ELOVL6: variants seen among roughly 807,000 people sequenced by gnomAD.
The protein encoded by ELOVL6 is very long chain fatty acid elongase 6.
Under a neutral mutation model 31.7 loss-of-function variants are expected in ELOVL6, and 8 were observed. The observed-to-expected ratio is 0.25, with a 90% CI of 0.15 to 0.45. The LOEUF is 0.45. Ranked by LOEUF, ELOVL6 falls within the 20% of genes least tolerant of loss-of-function variation. The probability of loss-of-function intolerance (pLI) is 1.00; values close to 1 mark genes in which losing one functional copy is unlikely to be tolerated. For synonymous variants in ELOVL6, 101 were observed against 117.7 expected, an observed-to-expected ratio of 0.86 and a Z score of 0.92; for missense variants, 126 against 326.4, an observed-to-expected ratio of 0.39 and a Z score of 4.73.
intron 3 of ELOVL6, among the ~76,000 whole-genome samples, chr4:110,057,988 T>C (rs1201990169): frequency 6.6e-6 from 1 of 152,050 alleles, no homozygotes; most frequent in Non-Finnish European, 1.5e-5. Context: ...TAAAATATTC[T>C]CATATAATTT....
intron 1 of ELOVL6, among the ~76,000 whole-genome samples, chr4:110,184,626 G>T (rs1010321622): frequency 7.2e-5 from 11 of 152,192 alleles, no homozygotes; most frequent in African/African-American, 1.7e-4. Context: ...AAGACTAAAA[G>T]TAGTCCTGGG....
intron 2 of ELOVL6, among the ~76,000 whole-genome samples, chr4:110,084,378 T>TATATG (rs1231605632): frequency 2.1e-5 from 1 of 46,662 alleles, no homozygotes; most frequent in East Asian, 1.1e-3. Context: ...TGATATATGA[T>TATATG]ATATATCGCA....
rs1578480201 is a variant in ELOVL6, at chr4:110,099,608, T to C, written c.221+5889A>G. Reference sequence around the variant, plus strand: ...TAAATTTTTAACACCAAATTATCTTTTTATAATGTACACTAACTAGACATC... The same window carrying C: ...TAAATTTTTAACACCAAATTATCTTCTTATAATGTACACTAACTAGACATC... On this transcript the variant is annotated intron_variant, in intron 2 of 3. Transcript: ENST00000302274. Among the ~76,000 whole-genome samples the C allele has an allele frequency of 2.6e-5, 4 of 152,334 alleles. No individual in the cohort carries two copies. In the East Asian group the frequency reaches 7.7e-4, roughly 29 times the overall value.
Position 110,131,894 on chromosome 4 carries a change from AAAAT to A in ELOVL6, c.90-26270_90-26267del, listed in dbSNP as rs572235126. On this transcript the variant is annotated intron_variant, in intron 1 of 3. Coordinates refer to ENST00000302274, the MANE Select transcript of ELOVL6 (RefSeq NM_024090.3). ...AATGGTATGAAGAGGATAGGGGAAA[AAAAT>A]AAAGAGAAGGACAGAAATTCTCTTG... is the stretch of plus-strand genomic sequence containing the variant. Among the ~76,000 whole-genome samples, 300 of 152,294 alleles carry A rather than the reference AAAAT, an allele frequency of 2.0e-3. 2 individuals are homozygous for A. The highest frequency in any genetic ancestry group is 6.9e-3 in the African/African-American group (286 of 41,574).
chr4:110,053,675 C>A (rs1356868622), intron 3 of ELOVL6, among the ~76,000 whole-genome samples: 1 of 152,100 alleles, frequency 6.6e-6, no homozygotes, highest in Non-Finnish European at 1.5e-5. Context: ...CACGGTGGCT[C>A]ACACCTGTAA....
intron 1 of ELOVL6, among the ~76,000 whole-genome samples, chr4:110,157,809 T>C (rs1407876097): frequency 1.3e-5 from 2 of 152,234 alleles, no homozygotes; most frequent in Non-Finnish European, 2.9e-5. Flanking sequence ...CTCAGGGAAC[T>C]ACACATGTTG....
intron 3 of ELOVL6, among the ~76,000 whole-genome samples, chr4:110,053,480 A>C (rs1025009809): frequency 1.3e-5 from 2 of 152,226 alleles, no homozygotes; most frequent in Non-Finnish European, 2.9e-5. Flanking sequence ...TAAACTGTTA[A>C]ACACTATTAT....
intron 1 of ELOVL6, among the ~76,000 whole-genome samples, chr4:110,169,231 G>GTTTT (rs1220071580): frequency 2.6e-5 from 3 of 116,512 alleles, no homozygotes; most frequent in Non-Finnish European, 5.8e-5. Flanking sequence ...GAGTTTTGGG[G>GTTTT]TTTTTTGTTT....
At chr4:110,114,565 C>T (rs1560828908) in intron 1 of ELOVL6, among the ~76,000 whole-genome samples, 3 of 152,102 alleles carry the variant, frequency 2.0e-5, no homozygotes, top group Non-Finnish European at 4.4e-5. Flanking sequence ...TACAGCTGGG[C>T]TTCTTTAAAA....
At chr4:110,061,644 C>G (rs1419190135) in intron 2 of ELOVL6, among the ~76,000 whole-genome samples, 1 of 147,836 alleles carries the variant, frequency 6.8e-6, no homozygotes, top group Non-Finnish European at 1.5e-5. Context: ...GCAACCTCCG[C>G]CTCCTGGGTT....
At chr4:110,116,911 CT>C (rs2126251694) in intron 1 of ELOVL6, among the ~76,000 whole-genome samples, 1 of 152,230 alleles carries the variant, frequency 6.6e-6, no homozygotes, top group South Asian at 2.1e-4. Context: ...CACTTCCTTC[CT>C]TTCTGTTTTC....
intron 1 of ELOVL6, among the ~76,000 whole-genome samples, chr4:110,152,015 G>A (rs916034688): frequency 6.6e-6 from 1 of 152,052 alleles, no homozygotes; most frequent in Non-Finnish European, 1.5e-5. Context: ...TTCTAAACTG[G>A]GTAGAAATCC....
chr4:110,197,959 T>A, intron 1 of ELOVL6: 2 of 473,854 alleles, frequency 4.2e-6, no homozygotes, highest in Non-Finnish European at 7.6e-6. Flanking sequence ...GCCTTCCCTG[T>A]CGCGCAGACA....
intron 2 of ELOVL6, among the ~76,000 whole-genome samples, chr4:110,079,742 G>A (rs1415320362): frequency 6.6e-6 from 1 of 151,900 alleles, no homozygotes; most frequent in Non-Finnish European, 1.5e-5. Flanking sequence ...TAAGATCAGA[G>A]CAGAACTGAA....
intron 2 of ELOVL6, among the ~76,000 whole-genome samples, chr4:110,083,767 T>C (rs1003128228): frequency 2.0e-5 from 3 of 150,370 alleles, no homozygotes; most frequent in Non-Finnish European, 2.9e-5. Flanking sequence ...CCAAAGATGA[T>C]GATGGTGGTG....
chr4:110,057,587 A>C (rs1467673343), intron 3 of ELOVL6, among the ~76,000 whole-genome samples: 1 of 152,132 alleles, frequency 6.6e-6, no homozygotes, highest in Non-Finnish European at 1.5e-5. Flanking sequence ...ACAGTGGCTC[A>C]TGCCTATAAT....
intron 3 of ELOVL6, among the ~76,000 whole-genome samples, chr4:110,058,127 TC>T (rs1245731750): frequency 6.6e-6 from 1 of 152,210 alleles, no homozygotes; most frequent in African/African-American, 2.4e-5. Context: ...GTTCATAAAA[TC>T]TGTATTGTAA....
intron 1 of ELOVL6, among the ~76,000 whole-genome samples, chr4:110,126,456 G>A (rs1000811637): frequency 6.6e-6 from 1 of 152,058 alleles, no homozygotes; most frequent in Non-Finnish European, 1.5e-5. Flanking sequence ...TGACTTTTGG[G>A]AGGCCTCCCA....
intron 2 of ELOVL6, among the ~76,000 whole-genome samples, chr4:110,072,732 C>T (rs1260692226): frequency 1.3e-5 from 2 of 152,146 alleles, no homozygotes; most frequent in Non-Finnish European, 2.9e-5. Flanking sequence ...CTTGAAGTCT[C>T]CAAGATGCTG....
Sources: gnomAD v4.1 joint callset for allele counts (sites outside exome capture counted in the v4.1 genomes callset) on GRCh38, gnomAD v4.1.1 for gene constraint, MANE v1.5 for transcripts, NCBI Gene and HGNC (gene_info 2026-07-23, HGNC 2026-07-21) for gene names.